The following PDE4D variants were observed in gnomAD, a reference collection of about 807,000 sequenced individuals.
PDE4D encodes phosphodiesterase 4D.
In PDE4D, 24 loss-of-function variants were observed where a neutral mutation model predicts 87.4. That is an observed-to-expected ratio of 0.27 (90% confidence interval 0.20 to 0.39). PDE4D has a LOEUF of 0.39. PDE4D is among the 10% of genes least tolerant of loss of function. The pLI, the probability that PDE4D is intolerant of heterozygous loss-of-function variation, is 1.00. For synonymous variants in PDE4D, 384 were observed against 383.2 expected, an observed-to-expected ratio of 1.00 and a Z score of -0.02; for missense variants, 714 against 1,041.0, an observed-to-expected ratio of 0.69 and a Z score of 4.32.
At chr5:59,449,054 A>G (rs1474666829) in intron 1 of PDE4D, among the ~76,000 whole-genome samples, 1 of 152,186 alleles carries the variant, frequency 6.6e-6, no homozygotes, top group Admixed American at 6.5e-5. Context: ...CCTGCTTCAC[A>G]TATGTGAGAG....
intron 1 of PDE4D, among the ~76,000 whole-genome samples, chr5:59,411,096 G>T (rs964358223): frequency 6.6e-6 from 1 of 152,126 alleles, no homozygotes; most frequent in African/African-American, 2.4e-5. Context: ...AGAACCTATG[G>T]AGGACTCCCC....
At chr5:59,316,854 T>C (rs1226653206) in intron 1 of PDE4D, among the ~76,000 whole-genome samples, 1 of 152,160 alleles carries the variant, frequency 6.6e-6, no homozygotes, top group Admixed American at 6.5e-5. Flanking sequence ...TATGAAAATA[T>C]TGCTGCCTTA....
intron 5 of PDE4D, among the ~76,000 whole-genome samples, chr5:59,151,337 AACAT>A (rs1452385271): frequency 6.6e-6 from 1 of 152,092 alleles, no homozygotes; most frequent in African/African-American, 2.4e-5. Context: ...GCTGCTTGAA[AACAT>A]AGTCACCTGA....
chr5:59,114,336 G>A lies in PDE4D; in HGVS notation c.808+66259C>T, dbSNP rs148923939. Among the ~76,000 whole-genome samples, 669 of 152,136 alleles carry A rather than the reference G, an allele frequency of 4.4e-3. 8 individuals are homozygous for A. The highest frequency in any genetic ancestry group is 0.016 in the African/African-American group (644 of 41,504). ...TATAGAGTTTTGATGCTTTTATGACGTATTTTTATTTTATTTTCTGAACAT... is the reference window on the plus strand; with the variant it reads ...TATAGAGTTTTGATGCTTTTATGACATATTTTTATTTTATTTTCTGAACAT... On this transcript the variant is annotated intron_variant, in intron 5 of 14. Coordinates refer to ENST00000340635, the MANE Select transcript of PDE4D (RefSeq NM_001104631.2).
At chr5:60,113,466 G>A (rs1299879270) in intron 2 of PDE4D, among the ~76,000 whole-genome samples, 3 of 152,012 alleles carry the variant, frequency 2.0e-5, no homozygotes, top group Admixed American at 6.6e-5. Flanking sequence ...TCCCTATTAA[G>A]GAATCATGGC....
At chr5:59,316,657 A>T (rs1197686111) in intron 1 of PDE4D, among the ~76,000 whole-genome samples, 1 of 152,200 alleles carries the variant, frequency 6.6e-6, no homozygotes, top group Admixed American at 6.5e-5. Flanking sequence ...ACTACCTGTT[A>T]ACTTACCCAC....
intron 5 of PDE4D, among the ~76,000 whole-genome samples, chr5:59,061,426 T>C (rs985684406): frequency 2.6e-5 from 4 of 152,108 alleles, no homozygotes; most frequent in East Asian, 1.9e-4. Flanking sequence ...TGCCCCTCAA[T>C]ATAAATCTGT....
rs537651783 is a variant in PDE4D, at chr5:60,300,854, T to G, written c.-89-115167A>C. Among the ~76,000 whole-genome samples the G allele has an allele frequency of 1.6e-4, 25 of 152,146 alleles. No individual in the cohort carries two copies. The East Asian group carries it at 4.6e-3, about 28-fold the overall frequency. On this transcript the variant is annotated intron_variant, in intron 1 of 16. Coordinates refer to the PDE4D transcript ENST00000502484. Reference sequence around the variant, plus strand: ...GTGGCACGATCTCAGCTCTGCAACCTCCACCTCCCAGGTTCAAGCAATTCT... The same window carrying G: ...GTGGCACGATCTCAGCTCTGCAACCGCCACCTCCCAGGTTCAAGCAATTCT...
intron 1 of PDE4D, among the ~76,000 whole-genome samples, chr5:59,309,658 T>G (rs1772169232): frequency 6.6e-6 from 1 of 152,110 alleles, no homozygotes; most frequent in African/African-American, 2.4e-5. Flanking sequence ...AGAGGGTGTG[T>G]GGGTCCTCTC....
At chr5:59,540,373 CA>C (rs900449545) in intron 1 of PDE4D, among the ~76,000 whole-genome samples, 8 of 151,720 alleles carry the variant, frequency 5.3e-5, no homozygotes, top group African/African-American at 1.9e-4. Context: ...CAAAAAAAAC[CA>C]AAAAACAGAA....
chr5:59,943,842 G>C (rs1219187708), intron 3 of PDE4D, among the ~76,000 whole-genome samples: 1 of 152,056 alleles, frequency 6.6e-6, no homozygotes, highest in African/African-American at 2.4e-5. Flanking sequence ...TCCTTTAATT[G>C]TGCAGTAACA....
intron 1 of PDE4D, among the ~76,000 whole-genome samples, chr5:59,257,848 T>A (rs1761270169): frequency 6.6e-6 from 1 of 151,956 alleles, no homozygotes; most frequent in Non-Finnish European, 1.5e-5. Flanking sequence ...CCTTTCCTTT[T>A]TTCCTAGGTG....
At chr5:60,130,609 T>C (rs931092245) in intron 2 of PDE4D, among the ~76,000 whole-genome samples, 2 of 152,178 alleles carry the variant, frequency 1.3e-5, no homozygotes, top group Non-Finnish European at 2.9e-5. Flanking sequence ...TAAAAACAGC[T>C]TTGTGGTATC....
chr5:60,374,589 G>T (rs1761288386), intron 1 of PDE4D, among the ~76,000 whole-genome samples: 2 of 152,066 alleles, frequency 1.3e-5, no homozygotes, highest in Non-Finnish European at 2.9e-5. Flanking sequence ...ATTGCTCCAG[G>T]GAAGGTCATC....
chr5:59,417,015 T>G (rs1029297273), intron 1 of PDE4D, among the ~76,000 whole-genome samples: 1 of 152,188 alleles, frequency 6.6e-6, no homozygotes. Context: ...CAAGAGATAT[T>G]CCCACTTTTC....
At chr5:59,239,286 T>C (rs987296999) in intron 1 of PDE4D, among the ~76,000 whole-genome samples, 1 of 152,178 alleles carries the variant, frequency 6.6e-6, no homozygotes, top group Non-Finnish European at 1.5e-5. Flanking sequence ...CTGATCACGT[T>C]GCTGAAATGC....
chr5:59,135,692 G>A (rs748143018), intron 5 of PDE4D, among the ~76,000 whole-genome samples: 7 of 150,892 alleles, frequency 4.6e-5, no homozygotes, highest in African/African-American at 1.5e-4. Context: ...TCTCCCATAC[G>A]CCAGCACTAT....
In PDE4D at chr5:59,083,723, AAGC is replaced by A. The variant is rs555449598; in HGVS notation, c.809-44755_809-44753del. Among the ~76,000 whole-genome samples, 330 of 152,188 alleles carry A rather than the reference AAGC, an allele frequency of 2.2e-3. 1 individual carries two copies. The highest frequency in any genetic ancestry group is 7.5e-3 in the African/African-American group (311 of 41,560). On this transcript the variant is annotated intron_variant, in intron 5 of 14. Coordinates refer to ENST00000340635, the MANE Select transcript of PDE4D (RefSeq NM_001104631.2). The stretch of plus-strand genomic sequence containing the variant: ...TTTCATTGTCTCTGTTTCTTCTGGA[AAGC>A]AGAAGATAAATTGTCTCAGGAAAAT...
intron 1 of PDE4D, among the ~76,000 whole-genome samples, chr5:59,844,993 G>A: frequency 6.6e-6 from 1 of 152,028 alleles, no homozygotes; most frequent in Non-Finnish European, 1.5e-5. Context: ...GGAACTGCAG[G>A]TGGCCTCAAG....
Sources: gnomAD v4.1 joint callset for allele counts (sites outside exome capture counted in the v4.1 genomes callset) on GRCh38, gnomAD v4.1.1 for gene constraint, MANE v1.5 for transcripts, NCBI Gene and HGNC (gene_info 2026-07-23, HGNC 2026-07-21) for gene names.